Variants in ULK4 observed in about 807,000 individuals in gnomAD.
ULK4 encodes the protein unc-51 like kinase 4, also known as inactive serine/threonine-protein kinase ULK4.
Under a neutral mutation model 160.6 loss-of-function variants are expected in ULK4, and 133 were observed. The ratio of observed to expected loss-of-function variants is 0.83; its 90% CI spans 0.72 to 0.96. ULK4 has a LOEUF of 0.96. Among genes scored for constraint, ULK4 ranks in the 40% least tolerant of loss-of-function variants. ULK4 has a pLI of 0.00. For missense variants in ULK4, 1,580 were observed against 1,499.5 expected, an observed-to-expected ratio of 1.05 and a Z score of -0.89; for synonymous variants, 534 against 539.8, an observed-to-expected ratio of 0.99 and a Z score of 0.15.
At chr3:41,343,596 G>C (rs779862453) in intron 35 of ULK4, among the ~76,000 whole-genome samples, 1 of 151,902 alleles carries the variant, frequency 6.6e-6, no homozygotes, top group African/African-American at 2.4e-5. Flanking sequence ...GAGCCACCAC[G>C]CCTGACCAAT....
chr3:41,684,538 A>G (rs1474427273), intron 27 of ULK4, among the ~76,000 whole-genome samples: 1 of 152,178 alleles, frequency 6.6e-6, no homozygotes, highest in African/African-American at 2.4e-5. Flanking sequence ...GCCAGTCTGA[A>G]AGGACCTGGA....
chr3:41,938,287 G>A, intron 2 of ULK4, 90 bp from the exon 3 acceptor site: 1 of 932,150 alleles, frequency 1.1e-6, no homozygotes, highest in Non-Finnish European at 1.6e-6. Flanking sequence ...TTGGTAAATG[G>A]ATAAGAAAAT....
intron 12 of ULK4, among the ~76,000 whole-genome samples, chr3:41,903,008 G>C (rs1698428854): frequency 6.6e-6 from 1 of 152,168 alleles, no homozygotes; most frequent in Non-Finnish European, 1.5e-5. Flanking sequence ...GAGCAATGGA[G>C]AACTGAGGGG....
chr3:41,249,647 CTGAG>C, intron 35 of ULK4, 73 bp from the exon 36 acceptor site: 1 of 1,470,448 alleles, frequency 6.8e-7, no homozygotes, highest in Non-Finnish European at 9.3e-7. Context: ...GATGGGCACC[CTGAG>C]TATCAGGCCT....
At chr3:41,904,592 T>G (rs1231521732) in intron 12 of ULK4, among the ~76,000 whole-genome samples, 2 of 152,202 alleles carry the variant, frequency 1.3e-5, no homozygotes, top group African/African-American at 4.8e-5. Flanking sequence ...TCAAAATGAA[T>G]TTTTTAATTT....
At chr3:41,544,851 G>A (rs1039924029) in intron 32 of ULK4, among the ~76,000 whole-genome samples, 1 of 152,138 alleles carries the variant, frequency 6.6e-6, no homozygotes, top group Non-Finnish European at 1.5e-5. Context: ...CATTTCAGAT[G>A]CTTCAAGTCT....
intron 35 of ULK4, among the ~76,000 whole-genome samples, chr3:41,397,157 A>C (rs1411089030): frequency 6.6e-6 from 1 of 152,118 alleles, no homozygotes; most frequent in Non-Finnish European, 1.5e-5. Context: ...TATTAACTTC[A>C]ACACTAGCTA....
At chr3:41,712,645 T>C (rs748367222) in intron 25 of ULK4, among the ~76,000 whole-genome samples, 22 of 152,206 alleles carry the variant, frequency 1.4e-4, no homozygotes, top group Non-Finnish European at 2.9e-4. Context: ...ATCCCAGCAC[T>C]TTGGGAGGCC....
At chr3:41,944,259 A>G (rs1398146256) in intron 2 of ULK4, among the ~76,000 whole-genome samples, 1 of 152,228 alleles carries the variant, frequency 6.6e-6, no homozygotes, top group African/African-American at 2.4e-5. Flanking sequence ...ATGACATGGT[A>G]GAATCAGTTT....
At chr3:41,732,854 G>C (rs1022999411) in intron 22 of ULK4, among the ~76,000 whole-genome samples, 44 of 152,270 alleles carry the variant, frequency 2.9e-4, no homozygotes, top group Middle Eastern at 3.4e-3. Context: ...ATTACGTTAA[G>C]TGAAATAATC....
intron 17 of ULK4, among the ~76,000 whole-genome samples, chr3:41,848,228 A>G (rs1366897230): frequency 6.6e-6 from 1 of 152,206 alleles, no homozygotes; most frequent in East Asian, 1.9e-4. Context: ...TAAAGATAAT[A>G]AACTGTCAGG....
intron 31 of ULK4, among the ~76,000 whole-genome samples, chr3:41,601,921 T>C (rs1204202336): frequency 6.6e-6 from 1 of 152,034 alleles, no homozygotes; most frequent in Non-Finnish European, 1.5e-5. Context: ...GGGCTGGACA[T>C]GGTGGCTTAT....
chr3:41,279,011 A>C (rs1227538762), intron 35 of ULK4, among the ~76,000 whole-genome samples: 3 of 152,176 alleles, frequency 2.0e-5, no homozygotes, highest in Non-Finnish European at 4.4e-5. Flanking sequence ...GACCTAAAGG[A>C]GCATGTTCTA....
chr3:41,846,332 A>G (rs970057229), intron 17 of ULK4, among the ~76,000 whole-genome samples: 1 of 152,346 alleles, frequency 6.6e-6, no homozygotes, highest in African/African-American at 2.4e-5. Flanking sequence ...TAAAAAATGT[A>G]TCTGTTGACC....
intron 2 of ULK4, among the ~76,000 whole-genome samples, chr3:41,945,128 C>A (rs1383317917): frequency 1.3e-5 from 2 of 152,170 alleles, no homozygotes; most frequent in African/African-American, 4.8e-5. Context: ...CTGTCTCCAT[C>A]AGAACATTAA....
At chr3:41,531,389 C>T (rs974037764) in intron 32 of ULK4, among the ~76,000 whole-genome samples, 1 of 119,332 alleles carries the variant, frequency 8.4e-6, no homozygotes, top group Non-Finnish European at 1.6e-5. Context: ...TGCAGTGAGC[C>T]GAGATCACTC....
rs147834231 is a variant in ULK4, at chr3:41,695,821, T to C, written c.2781+9236A>G. Among the ~76,000 whole-genome samples the C allele has an allele frequency of 2.5e-3, 382 of 152,266 alleles. 1 individual carries two copies. Among genetic ancestry groups the C allele is most frequent in the African/African-American group, 8.3e-3 (344 of 41,554 alleles). ...ATGAATACCATTAATCATTAGTTTG[T>C]AGCAATTACTCTTTATTCCAATATT... On this transcript the variant is annotated intron_variant, in intron 27 of 36. Transcript: ENST00000301831.
At chr3:41,318,669 C>A (rs766165532) in intron 35 of ULK4, among the ~76,000 whole-genome samples, 1 of 152,164 alleles carries the variant, frequency 6.6e-6, no homozygotes, top group African/African-American at 2.4e-5. Flanking sequence ...TGAGGGAAAT[C>A]CTGATGAGCA....
chr3:41,460,606 A>C (rs770700090), intron 33 of ULK4, among the ~76,000 whole-genome samples: 3 of 152,162 alleles, frequency 2.0e-5, no homozygotes, highest in Non-Finnish European at 4.4e-5. Context: ...GCTAGGAGTT[A>C]GTCAGTAAAT....
Sources: gnomAD v4.1 joint callset for allele counts (sites outside exome capture counted in the v4.1 genomes callset) on GRCh38, gnomAD v4.1.1 for gene constraint, MANE v1.5 for transcripts, NCBI Gene and HGNC (gene_info 2026-07-23, HGNC 2026-07-21) for gene names.